DPF3: variants seen among roughly 807,000 people sequenced by gnomAD.
DPF3 encodes double PHD fingers 3.
In DPF3, 18 loss-of-function variants were observed where a neutral mutation model predicts 56.8. The ratio of observed to expected loss-of-function variants is 0.32; its 90% CI spans 0.22 to 0.47. The LOEUF is 0.47. Among genes scored for constraint, DPF3 ranks in the 20% least tolerant of loss-of-function variants. DPF3 has a pLI of 1.00. For synonymous variants in DPF3, 188 were observed against 180.2 expected (o/e 1.04, Z -0.35); for missense variants, 403 against 488.8 (o/e 0.82, Z 1.65).
chr14:72,750,811 A>AAAC (rs1555503401), intron 3 of DPF3, among the ~76,000 whole-genome samples: 1 of 151,066 alleles, frequency 6.6e-6, no homozygotes, highest in Non-Finnish European at 1.5e-5. Context: ...AAAAAAAAAA[A>AAAC]AAAAAACCTG....
At chr14:72,655,234 C>T (rs768857698) in intron 8 of DPF3, among the ~76,000 whole-genome samples, 2 of 152,076 alleles carry the variant, frequency 1.3e-5, no homozygotes, top group Non-Finnish European at 2.9e-5. Context: ...AGAAAGAATG[C>T]CGATCACTTC....
chr14:72,672,959 C>T (rs1394062140), intron 8 of DPF3, among the ~76,000 whole-genome samples: 1 of 151,956 alleles, frequency 6.6e-6, no homozygotes, highest in African/African-American at 2.4e-5. Context: ...TCACAAGGGC[C>T]CTGTCTTCTA....
At chr14:72,621,642 T>TA (rs1304372598) in intron 9 of DPF3, among the ~76,000 whole-genome samples, 1 of 152,154 alleles carries the variant, frequency 6.6e-6, no homozygotes, top group East Asian at 1.9e-4. Context: ...TAAGAGTAGA[T>TA]ACCCAGTGGG....
At chr14:72,635,356 C>G (rs770530159) in intron 8 of DPF3, among the ~76,000 whole-genome samples, 2 of 152,194 alleles carry the variant, frequency 1.3e-5, no homozygotes, top group African/African-American at 2.4e-5. Context: ...AGAGCAGTGA[C>G]AGCAGCCTTG....
intron 1 of DPF3, among the ~76,000 whole-genome samples, chr14:72,801,813 T>C (rs1232233519): frequency 6.6e-6 from 1 of 152,166 alleles, no homozygotes; most frequent in Admixed American, 6.5e-5. Flanking sequence ...GGGAGGACCT[T>C]TCATCTCATG....
intron 1 of DPF3, among the ~76,000 whole-genome samples, chr14:72,837,199 A>T (rs1567250572): frequency 1.3e-5 from 2 of 152,076 alleles, no homozygotes; most frequent in Admixed American, 1.3e-4. Flanking sequence ...AAATAAGTGC[A>T]AAGAAGAATG....
chr14:72,651,472 G>A (rs571382167), intron 8 of DPF3, among the ~76,000 whole-genome samples: 1 of 152,330 alleles, frequency 6.6e-6, no homozygotes, highest in South Asian at 2.1e-4. Flanking sequence ...CACAGAAGGG[G>A]AGCCTCTCTA....
intron 8 of DPF3, among the ~76,000 whole-genome samples, chr14:72,663,040 C>T (rs1479461667): frequency 2.6e-5 from 4 of 151,716 alleles, no homozygotes; most frequent in Admixed American, 6.6e-5. Context: ...TGTCCAGCGC[C>T]TTGAACTTCA....
chr14:72,756,918 G>GAA (rs1312869489), intron 2 of DPF3, among the ~76,000 whole-genome samples: 1 of 136,356 alleles, frequency 7.3e-6, no homozygotes, highest in African/African-American at 3.1e-5. Context: ...AAGAAAGAAA[G>GAA]AAAGAAAGAA....
chr14:72,824,575 T>G (rs1225997940), intron 1 of DPF3, among the ~76,000 whole-genome samples: 1 of 151,622 alleles, frequency 6.6e-6, no homozygotes, highest in East Asian at 1.9e-4. Context: ...GTTTGTTTGT[T>G]TGTTTGTTTT....
At chr14:72,659,643 G>T (rs1180789936) in intron 8 of DPF3, among the ~76,000 whole-genome samples, 2 of 152,298 alleles carry the variant, frequency 1.3e-5, no homozygotes, top group East Asian at 3.9e-4. Flanking sequence ...CAGAATCAAG[G>T]TCCTCTTTTC....
rs138162317 is a variant in DPF3 at position 72,805,051 on chromosome 14, GACAC to G, written c.33-33162_33-33159del. 5.9e-3 allele frequency among the ~76,000 whole-genome samples: 869 copies of G among 146,470 alleles called. 9 individuals carry two copies. Among genetic ancestry groups the G allele is most frequent in the African/African-American group, 0.021 (827 of 39,386 alleles). ...AAAACGAGGGAGTCCCACAGCCCTGGACACACACACACACACAAACACACAGACA... is the reference window on the plus strand; with the variant it reads ...AAAACGAGGGAGTCCCACAGCCCTGGACACACACACACAAACACACAGACA... On this transcript the variant is annotated intron_variant, in intron 1 of 10. Coordinates refer to ENST00000556509, the MANE Select transcript of DPF3 (RefSeq NM_001280542.3).
intron 1 of DPF3, among the ~76,000 whole-genome samples, chr14:72,846,127 A>C (rs188913164): frequency 7.0e-6 from 1 of 143,306 alleles, no homozygotes; most frequent in African/African-American, 2.6e-5. Context: ...ATTTTATTTT[A>C]TTTGAGACAG....
rs150446711 is a variant in DPF3, at chr14:72,822,947, T to G, written c.33-51054A>C. On this transcript the variant is annotated intron_variant, in intron 1 of 10. Coordinates refer to ENST00000556509, the MANE Select transcript of DPF3 (RefSeq NM_001280542.3). ...TGAGCATCAACATGACTCATGAAGA[T>G]CTCACCCAATTTCCCAGAAGCCCTC... 1.6e-4 allele frequency among the ~76,000 whole-genome samples: 24 copies of G among 152,288 alleles called. No homozygotes were observed. The East Asian group carries it at 4.4e-3, about 28-fold the overall frequency.
At chr14:72,828,537 T>TTAAAAAAAAAAA (rs35533532) in intron 1 of DPF3, among the ~76,000 whole-genome samples, 3 of 86,988 alleles carry the variant, frequency 3.4e-5, no homozygotes, top group African/African-American at 4.5e-5. Flanking sequence ...GACCATGTCT[T>TTAAAAAAAAAAA]AAAAAAAAAA....
intron 1 of DPF3, among the ~76,000 whole-genome samples, chr14:72,872,256 C>T (rs1324852294): frequency 6.6e-6 from 1 of 150,972 alleles, no homozygotes; most frequent in African/African-American, 2.4e-5. Context: ...GGCCTCCAGG[C>T]CTGTGATGGG....
chr14:72,665,477 C>T (rs1886403703), intron 8 of DPF3, among the ~76,000 whole-genome samples: 1 of 152,186 alleles, frequency 6.6e-6, no homozygotes. Context: ...CAATCACATA[C>T]CTCCTGATGT....
chr14:72,777,849 T>C (rs1347334172), intron 1 of DPF3, among the ~76,000 whole-genome samples: 1 of 152,174 alleles, frequency 6.6e-6, no homozygotes. Context: ...ATGCCAGCAC[T>C]GTGCTTCCTG....
chr14:72,814,609 G>A (rs977706500), intron 1 of DPF3, among the ~76,000 whole-genome samples: 3 of 152,126 alleles, frequency 2.0e-5, no homozygotes, highest in Non-Finnish European at 4.4e-5. Context: ...GAGACCAGGA[G>A]TTTGAGACCA....
Sources: allele counts gnomAD v4.1 joint callset (sites outside exome capture counted in the v4.1 genomes callset), GRCh38; gene constraint gnomAD v4.1.1; transcripts MANE v1.5; gene names NCBI Gene and HGNC (gene_info 2026-07-23, HGNC 2026-07-21).